PRRC2C: variants seen among roughly 807,000 people sequenced by gnomAD.
PRRC2C encodes the protein proline rich coiled-coil 2C.
A neutral mutation model predicts 317.2 loss-of-function variants in PRRC2C; 72 were observed. That is an observed-to-expected ratio of 0.23 (90% CI 0.19 to 0.28). The LOEUF (loss-of-function observed/expected upper bound fraction) is 0.28. PRRC2C is among the 10% of genes least tolerant of loss of function. PRRC2C has a pLI of 1.00. For synonymous variants in PRRC2C, 1,296 were observed against 1,205.9 expected (o/e 1.07, Z -1.55); for missense variants, 3,074 against 3,459.7 (o/e 0.89, Z 2.80).
chr1:171,529,321 T>C (rs1675343909), intron 11 of PRRC2C, among the ~76,000 whole-genome samples: 1 of 152,150 alleles, frequency 6.6e-6, no homozygotes, highest in Non-Finnish European at 1.5e-5. Context: ...TTAAGAGTCA[T>C]ATATTCAACA....
rs141177080 is a variant in PRRC2C at position 171,557,543 on chromosome 1, G to T, written c.5431G>T (p.Val1811Phe). 1.9e-6 allele frequency: 3 copies of T among 1,551,410 alleles called. No homozygotes were observed. Among genetic ancestry groups the T allele is most frequent in the Non-Finnish European group, 2.6e-6 (3 of 1,146,948 alleles). The change falls in exon 19 of 35, where the codon GTT (valine) becomes TTT (phenylalanine). Residue 1811 changes from valine (V) to phenylalanine (F), a missense_variant. Coordinates refer to ENST00000647382, the MANE Select transcript of PRRC2C (RefSeq NM_001387844.1). ...AGTTCCAGCCTCACCCTTAGCTCCA[G>T]TTTCAGCCTCAGCCTCAGTCTCAGC... is the stretch of plus-strand genomic sequence containing the variant. Reference protein sequence around the residue: ...APVPASPLAPVSASASVSASV... With the variant: ...APVPASPLAPFSASASVSASV...
chr1:171,550,533 A>G (rs1680001326), intron 18 of PRRC2C, among the ~76,000 whole-genome samples: 1 of 150,288 alleles, frequency 6.7e-6, no homozygotes, highest in South Asian at 2.1e-4. Flanking sequence ...TTTGTTACAT[A>G]TGTATACATG....
Position 171,541,207 on chromosome 1 carries a change from G to T in PRRC2C, c.3741G>T (p.Arg1247=). The T allele has an allele frequency of 6.2e-7, 1 of 1,613,468 alleles. No individual in the cohort carries two copies. Among genetic ancestry groups the T allele is most frequent in the Non-Finnish European group, 8.5e-7 (1 of 1,179,748 alleles). ...GACAGCGAGAAGAAAGTGAAACACG[G>T]AGTGAGAGCTCTGATTTTGAAGTTG... The part of the protein sequence containing the change: ...PLRQREESET[R]SESSDFEVVP... Residue 1247 remains arginine, a synonymous_variant, in exon 16 of 35, where the codon CGG becomes CGT. Transcript: ENST00000647382. This position sits in a 1 kb window ranked among gnomAD's most constrained non-coding sequence, Gnocchi z 4.1.
chr1:171,555,337 A>G (rs1040047582), intron 18 of PRRC2C, among the ~76,000 whole-genome samples: 1 of 151,978 alleles, frequency 6.6e-6, no homozygotes, highest in Non-Finnish European at 1.5e-5. Context: ...TCTTTTCTAC[A>G]CTGTTTATTC....
Position 171,566,813 on chromosome 1 carries a change from A to G in PRRC2C, c.6528A>G (p.Val2176=), listed in dbSNP as rs151160977. 1.5e-5 allele frequency: 25 copies of G among 1,613,636 alleles called. No individual in the cohort carries two copies. The highest frequency in any genetic ancestry group is 1.9e-5 in the Non-Finnish European group (23 of 1,179,846). ...MSTEIGTMIS[V]SSAEYGTNAK... ...CTGAAATAGGAACAATGATCTCGGT[A>G]TCATCTGCAGAATATGGTACTAATG... Residue 2176 remains valine, a synonymous_variant, in exon 22 of 35, where the codon GTA becomes GTG. Transcript: ENST00000647382.
In PRRC2C at chr1:171,536,099, A is replaced by G; in HGVS notation, c.2114A>G (p.Gln705Arg). 2 of 1,560,500 alleles carry G rather than the reference A, an allele frequency of 1.3e-6. No individual in the cohort carries two copies. The highest frequency in any genetic ancestry group is 1.7e-6 in the Non-Finnish European group (2 of 1,151,194). Residue 705 changes from glutamine (Q) to arginine (R), a missense_variant, in exon 14 of 35, where the codon CAA becomes CGA. Coordinates refer to ENST00000647382, the MANE Select transcript of PRRC2C (RefSeq NM_001387844.1). Reference protein sequence around the residue: ...QGVLPQTVPSQPSSSTVPPPP... With the variant: ...QGVLPQTVPSRPSSSTVPPPP... ...GTACTTCCACAGACTGTTCCTTCAC[A>G]ACCGTCCAGTAGTACTGTCCCTCCT...
intron 20 of PRRC2C, among the ~76,000 whole-genome samples, chr1:171,562,877 G>A (rs1201090337): frequency 6.6e-6 from 1 of 152,112 alleles, no homozygotes; most frequent in Non-Finnish European, 1.5e-5. Flanking sequence ...AGAGTAGTTA[G>A]GAAAGAGAAT....
intron 15 of PRRC2C, 71 bp from the exon 16 acceptor site, chr1:171,539,900 T>G (rs1303161542): frequency 8.0e-6 from 10 of 1,243,556 alleles, no homozygotes; most frequent in Non-Finnish European, 1.1e-5. Flanking sequence ...TTAGAGGGAT[T>G]ATTTTGCTAT....
chr1:171,512,952 A>G (rs1378794253), intron 2 of PRRC2C, 43 bp from the exon 3 acceptor site: 1 of 1,527,770 alleles, frequency 6.5e-7, no homozygotes, highest in East Asian at 2.3e-5. Context: ...AAAATGGGTA[A>G]TAAAATAGAT....
In PRRC2C at chr1:171,557,470, G is replaced by A. The variant is rs1216370961; in HGVS notation, c.5358G>A (p.Pro1786=). Reference sequence around the variant, plus strand: ...CAGTTCCAGCCTCAACCTCAGCTCCGGTTCCAGCCTCAACTTTAGCTCCAG... The same window carrying A: ...CAGTTCCAGCCTCAACCTCAGCTCCAGTTCCAGCCTCAACTTTAGCTCCAG... The part of the protein sequence containing the change: ...LTPVPASTSA[P]VPASTLAPVL... The change falls in exon 19 of 35, where the codon CCG becomes CCA. Residue 1786 remains proline (P), a synonymous_variant. Transcript: ENST00000647382. 6.4e-6 allele frequency: 10 copies of A among 1,550,552 alleles called. No homozygotes were observed. The highest frequency in any genetic ancestry group is 3.9e-5 in the Admixed American group (2 of 50,888).
rs1650247540 is a variant in PRRC2C, at chr1:171,587,230, A to G, written c.7968+9A>G. ...TTGCAACCACAGGAAAAGTAAGTAA[A>G]GAGACATTTGCACAGGTTATTTGAG... On this transcript the variant is annotated intron_variant, in intron 31 of 34. Coordinates refer to ENST00000647382, the MANE Select transcript of PRRC2C (RefSeq NM_001387844.1). The G allele has an allele frequency of 6.3e-7, 1 of 1,581,516 alleles. No individual in the cohort carries two copies. Among genetic ancestry groups the G allele is most frequent in the South Asian group, 1.2e-5 (1 of 86,614 alleles).
At chr1:171,557,032 ATG>A (rs1681579708) in intron 18 of PRRC2C, among the ~76,000 whole-genome samples, 1 of 152,232 alleles carries the variant, frequency 6.6e-6, no homozygotes, top group African/African-American at 2.4e-5. Context: ...TATGTCAAGA[ATG>A]TACAATACCT....
chr1:171,567,527 C>T (rs1321991661), intron 22 of PRRC2C, among the ~76,000 whole-genome samples: 1 of 152,084 alleles, frequency 6.6e-6, no homozygotes, highest in Non-Finnish European at 1.5e-5. Flanking sequence ...TAAGTAATAG[C>T]TTATGTGGTC....
chr1:171,535,985 C>A, intron 13 of PRRC2C, 44 bp from the exon 14 acceptor site: 1 of 1,546,084 alleles, frequency 6.5e-7, no homozygotes, highest in South Asian at 1.2e-5. Context: ...GTTAATTTGT[C>A]ATGTGGAACT....
intron 1 of PRRC2C, chr1:171,510,370 A>G (rs1671111597): frequency 6.6e-6 from 1 of 152,206 alleles, no homozygotes; most frequent in South Asian, 2.1e-4. Context: ...TCTTAGTTAA[A>G]TAACTTAAGC....
Position 171,523,495 on chromosome 1 carries a change from G to A in PRRC2C, c.1028G>A (p.Gly343Glu). ...QLNFSDDDEQ[G>E]SNSPKENNSE... Reference sequence around the variant, plus strand: ...AATTTCAGTGATGATGATGAACAAGGAAGTAACAGTCCTAAAGAGAATAAC... The same window carrying A: ...AATTTCAGTGATGATGATGAACAAGAAAGTAACAGTCCTAAAGAGAATAAC... The change falls in exon 9 of 35, where the codon GGA becomes GAA. Residue 343 changes from glycine (G) to glutamate (E), a missense_variant. Coordinates refer to ENST00000647382, the MANE Select transcript of PRRC2C (RefSeq NM_001387844.1). 6.2e-7 allele frequency: 1 copy of A among 1,611,542 alleles called. No homozygotes were observed. The highest frequency in any genetic ancestry group is 8.5e-7 in the Non-Finnish European group (1 of 1,179,190).
At chr1:171,584,883 C>G (rs1649500213) in intron 30 of PRRC2C, among the ~76,000 whole-genome samples, 1 of 152,120 alleles carries the variant, frequency 6.6e-6, no homozygotes, top group Non-Finnish European at 1.5e-5. Flanking sequence ...GTGATCCTTG[C>G]ACCGCAGCCT....
At chr1:171,565,844 G>A (rs1461417642) in intron 20 of PRRC2C, among the ~76,000 whole-genome samples, 3 of 152,176 alleles carry the variant, frequency 2.0e-5, no homozygotes, top group Non-Finnish European at 4.4e-5. Context: ...CATTTTCAAA[G>A]CAGACTTCTG....
At chr1:171,488,472 C>T (rs140818131) in intron 1 of PRRC2C, among the ~76,000 whole-genome samples, 11 of 152,284 alleles carry the variant, frequency 7.2e-5, no homozygotes, top group African/African-American at 2.2e-4. Context: ...TGGATAAAAG[C>T]GTTCTATAGA....
Sources: gnomAD v4.1 joint callset for allele counts (sites outside exome capture counted in the v4.1 genomes callset) on GRCh38, gnomAD v4.1.1 for gene constraint, Gnocchi (gnomAD v3.1) non-coding constraint, MANE v1.5 for transcripts, NCBI Gene and HGNC (gene_info 2026-07-23, HGNC 2026-07-21) for gene names.